The following LRP11 variants were observed in gnomAD, a reference collection of about 807,000 sequenced individuals.
LRP11 encodes the protein LDL receptor related protein 11, also known as low-density lipoprotein receptor-related protein 11.
Under a neutral mutation model 43.1 loss-of-function variants are expected in LRP11, and 25 were observed. That is an observed-to-expected ratio of 0.58 (90% CI 0.42 to 0.81). LRP11 has a LOEUF of 0.81. Ranked by LOEUF, LRP11 falls within the 30% of genes least tolerant of loss-of-function variation. The probability of loss-of-function intolerance (pLI) is 0.00; values close to 1 mark genes in which losing one functional copy is unlikely to be tolerated. For missense variants in LRP11, 623 were observed against 665.1 expected (o/e 0.94, Z 0.70); for synonymous variants, 316 against 299.4 (o/e 1.06, Z -0.57).
chr6:149,831,749 G>T (rs528281303), intron 5 of LRP11, among the ~76,000 whole-genome samples: 1 of 152,152 alleles, frequency 6.6e-6, no homozygotes, highest in Non-Finnish European at 1.5e-5. Context: ...GCTCACTGCA[G>T]CCTCGACCTC....
At chr6:149,820,818 G>T in intron 6 of LRP11, 115 bp from the exon 7 acceptor site, 2 of 568,776 alleles carry the variant, frequency 3.5e-6, no homozygotes, top group Non-Finnish European at 6.4e-6. Context: ...CAAACAAATT[G>T]TTATTAGTAT....
intron 3 of LRP11, 29 bp from the exon 4 acceptor site, chr6:149,837,492 G>A (rs1251755989): frequency 1.2e-6 from 2 of 1,607,348 alleles, no homozygotes; most frequent in African/African-American, 1.3e-5. Context: ...CAAGTCACAC[G>A]AGTGCAGAAG....
chr6:149,823,602 G>A (rs183263783), intron 6 of LRP11, among the ~76,000 whole-genome samples: 32 of 152,200 alleles, frequency 2.1e-4, no homozygotes, highest in Non-Finnish European at 2.4e-4. Context: ...ATAGCTGGCC[G>A]CCTCTTGAAG....
chr6:149,849,668 G>A (rs1776690322), intron 2 of LRP11, among the ~76,000 whole-genome samples: 1 of 152,134 alleles, frequency 6.6e-6, no homozygotes, highest in Non-Finnish European at 1.5e-5. Context: ...GACTGCTTGA[G>A]GCTGCAGTGA....
intron 2 of LRP11, among the ~76,000 whole-genome samples, chr6:149,847,499 C>A (rs914354052): frequency 1.3e-5 from 2 of 152,188 alleles, no homozygotes; most frequent in Non-Finnish European, 2.9e-5. Flanking sequence ...GGTGACCCTT[C>A]TATACATTTT....
intron 1 of LRP11, among the ~76,000 whole-genome samples, chr6:149,856,184 A>G (rs1271359506): frequency 6.6e-6 from 1 of 152,236 alleles, no homozygotes; most frequent in East Asian, 1.9e-4. Flanking sequence ...TGGACACATA[A>G]TTTTTTAAAA....
intron 6 of LRP11, among the ~76,000 whole-genome samples, chr6:149,822,271 T>C (rs903627182): frequency 6.6e-6 from 1 of 151,862 alleles, no homozygotes; most frequent in African/African-American, 2.4e-5. Flanking sequence ...GCCCAGAAAG[T>C]TGAGGCTGTT....
At chr6:149,857,274 G>T (rs1001175678) in intron 1 of LRP11, among the ~76,000 whole-genome samples, 2 of 152,144 alleles carry the variant, frequency 1.3e-5, no homozygotes, top group Non-Finnish European at 2.9e-5. Flanking sequence ...ATTCATGCTT[G>T]TAATCCCAGC....
At chr6:149,859,642 T>TAGAAGGGA (rs1468042245) in intron 1 of LRP11, among the ~76,000 whole-genome samples, 2 of 151,896 alleles carry the variant, frequency 1.3e-5, no homozygotes, top group Non-Finnish European at 2.9e-5. Context: ...GCAATCCACC[T>TAGAAGGGA]GCGTTGGCCT....
intron 4 of LRP11, 21 bp downstream of exon 4, chr6:149,837,317 A>T: frequency 6.2e-7 from 1 of 1,611,282 alleles, no homozygotes. Flanking sequence ...ACTGCCTAGC[A>T]ATGTGACATA....
chr6:149,857,891 G>A (rs1776825362), intron 1 of LRP11, among the ~76,000 whole-genome samples: 1 of 152,140 alleles, frequency 6.6e-6, no homozygotes, highest in African/African-American at 2.4e-5. Context: ...CCTTGTACCA[G>A]GTACCAGGCC....
chr6:149,863,547 G>C lies in LRP11; in HGVS notation c.474C>G (p.Leu158=). The C allele has an allele frequency of 1.5e-6, 2 of 1,371,350 alleles. No homozygotes were observed. The highest frequency in any genetic ancestry group is 1.9e-6 in the Non-Finnish European group (2 of 1,070,250). The allele number at this position is 1,371,350 out of a possible 1,614,324, so 84.9% of individuals were successfully genotyped here. ...CCGTGCAGTTGAAGAGGTAGCAGCC[G>C]AGCACGGCTGCCGGGGGCGCGGGGC... is the stretch of plus-strand genomic sequence containing the variant. ...PRRPAPPAAV[L]GCYLFNCTAR... is the part of the protein sequence containing the mutation. The change falls in exon 1 of 7, where the codon CTC becomes CTG. Residue 158 remains leucine (L), a synonymous_variant. Transcript: ENST00000239367.
At position 149,826,281 on chromosome 6, in the gene LRP11, T is replaced by TG; in HGVS notation, c.1330dup (p.His444ProfsTer46). ...ACATTTACCTGTTTCTGGGGCTGGG[T>TG]GTTCCCCTCCTCCTCCATCACCCTT... On this transcript the variant is annotated frameshift_variant, in exon 6 of 7. Transcript: ENST00000239367. 6.2e-7 allele frequency: 1 copy of TG among 1,613,550 alleles called. No homozygotes were observed. The highest frequency in any genetic ancestry group is 1.3e-5 in the African/African-American group (1 of 75,026).
intron 1 of LRP11, 103 bp downstream of exon 1, chr6:149,863,305 G>A: frequency 7.8e-7 from 1 of 1,278,546 alleles, no homozygotes; most frequent in Non-Finnish European, 9.9e-7. Flanking sequence ...GGGTGCCCGC[G>A]GCTAAAATAA....
At chr6:149,850,624 TCTA>T (rs1445135773) in intron 2 of LRP11, among the ~76,000 whole-genome samples, 1 of 152,186 alleles carries the variant, frequency 6.6e-6, no homozygotes, top group African/African-American at 2.4e-5. Context: ...CTGAAATGAA[TCTA>T]CTAATAGATC....
intron 3 of LRP11, among the ~76,000 whole-genome samples, chr6:149,837,692 G>C (rs1263387022): frequency 6.6e-6 from 1 of 152,154 alleles, no homozygotes; most frequent in Non-Finnish European, 1.5e-5. Flanking sequence ...TCTGAGGGCT[G>C]TTCTCCATGC....
chr6:149,854,800 CACAGGGGCCAATGTT>C (rs1776774650), intron 1 of LRP11, among the ~76,000 whole-genome samples: 1 of 152,216 alleles, frequency 6.6e-6, no homozygotes, highest in Admixed American at 6.5e-5. Context: ...CACTTTCCTC[CACAGGGGCCAATGTT>C]GCTACCTACA....
At chr6:149,858,143 C>T (rs1351919747) in intron 1 of LRP11, among the ~76,000 whole-genome samples, 19 of 152,162 alleles carry the variant, frequency 1.2e-4, no homozygotes, top group Admixed American at 1.2e-3. Flanking sequence ...TGTTGGTTTG[C>T]TGCCCCCTTC....
chr6:149,822,463 C>T (rs569807557), intron 6 of LRP11, among the ~76,000 whole-genome samples: 1 of 150,170 alleles, frequency 6.7e-6, no homozygotes, highest in Non-Finnish European at 1.5e-5. Flanking sequence ...AGCTCTTAAA[C>T]TGTACTCCAG....
Sources: gnomAD v4.1 joint callset for allele counts (sites outside exome capture counted in the v4.1 genomes callset) on GRCh38, gnomAD v4.1.1 for gene constraint, MANE v1.5 for transcripts, NCBI Gene and HGNC (gene_info 2026-07-23, HGNC 2026-07-21) for gene names.